AGMO: variants seen among roughly 807,000 people sequenced by gnomAD.
The protein encoded by AGMO is glyceryl-ether monooxygenase.
Under a neutral mutation model 60.2 loss-of-function variants are expected in AGMO, and 75 were observed. The observed-to-expected ratio is 1.25, with a 90% CI of 1.03 to 1.51. AGMO has a LOEUF of 1.51. AGMO is among the 40% of genes most tolerant of loss of function. The probability of loss-of-function intolerance (pLI) is 0.00; values close to 1 mark genes in which losing one functional copy is unlikely to be tolerated. For synonymous variants in AGMO, 261 were observed against 177.1 expected, an observed-to-expected ratio of 1.47 and a Z score of -3.76; for missense variants, 763 against 525.5, an observed-to-expected ratio of 1.45 and a Z score of -4.42.
chr7:15,132,601 G>A, the AGMO span, among the ~76,000 whole-genome samples: 1 of 152,124 alleles, frequency 6.6e-6, no homozygotes, highest in African/African-American at 2.4e-5. Flanking sequence ...GGCCTGGAAG[G>A]TGATACAAGC....
intron 12 of AGMO, among the ~76,000 whole-genome samples, chr7:15,274,423 T>C (rs964415580): frequency 2.0e-5 from 3 of 152,224 alleles, no homozygotes; most frequent in African/African-American, 7.2e-5. Context: ...ATTACGTTTA[T>C]TGATTTGCGT....
chr7:15,122,870 G>A, the AGMO span, among the ~76,000 whole-genome samples: 1 of 151,974 alleles, frequency 6.6e-6, no homozygotes, highest in African/African-American at 2.4e-5. Flanking sequence ...TGGCCAGAGT[G>A]AAACATTTAA....
chr7:15,533,895 T>A (rs764242284), intron 3 of AGMO, among the ~76,000 whole-genome samples: 66 of 152,108 alleles, frequency 4.3e-4, no homozygotes, highest in Non-Finnish European at 7.5e-4. Flanking sequence ...GCATTAAAAA[T>A]TTGTTTTAAA....
At chr7:15,117,835 G>C in the AGMO span, among the ~76,000 whole-genome samples, 3 of 151,934 alleles carry the variant, frequency 2.0e-5, no homozygotes, top group Admixed American at 2.0e-4. Flanking sequence ...CAGGAGAGGA[G>C]AATCTAGTAT....
intron 12 of AGMO, among the ~76,000 whole-genome samples, chr7:15,248,181 T>TATATATAG (rs1782808646): frequency 3.5e-5 from 1 of 28,284 alleles, no homozygotes; most frequent in Non-Finnish European, 6.1e-5. Flanking sequence ...TCCAGCACCA[T>TATATATAG]ATATATATAT....
At chr7:15,500,016 G>T (rs1783336974) in intron 3 of AGMO, among the ~76,000 whole-genome samples, 1 of 150,466 alleles carries the variant, frequency 6.6e-6, no homozygotes, top group African/African-American at 2.4e-5. Flanking sequence ...TTACACAGAT[G>T]GATAAAGACA....
intron 10 of AGMO, among the ~76,000 whole-genome samples, chr7:15,368,446 A>T (rs1431753469): frequency 1.3e-5 from 2 of 152,150 alleles, no homozygotes; most frequent in Admixed American, 6.6e-5. Flanking sequence ...AATCTGTAGT[A>T]TGATTGCAAA....
At chr7:15,520,392 T>TA (rs1410965849) in intron 3 of AGMO, among the ~76,000 whole-genome samples, 7 of 152,300 alleles carry the variant, frequency 4.6e-5, no homozygotes, top group Admixed American at 1.3e-4. Context: ...CAACAGGACA[T>TA]ACATTCTTCT....
chr7:15,413,794 C>G (rs1011432335), intron 5 of AGMO, among the ~76,000 whole-genome samples: 2 of 151,972 alleles, frequency 1.3e-5, no homozygotes, highest in Non-Finnish European at 2.9e-5. Context: ...TTTGTTGCTA[C>G]AGGTCTGCAT....
intron 12 of AGMO, among the ~76,000 whole-genome samples, chr7:15,337,002 A>G (rs1320415109): frequency 6.6e-6 from 1 of 152,182 alleles, no homozygotes; most frequent in Non-Finnish European, 1.5e-5. Flanking sequence ...CCCTGGGGGC[A>G]CTCAAACGTA....
chr7:15,552,034 A>G (rs1290937824), intron 2 of AGMO, among the ~76,000 whole-genome samples: 2 of 152,104 alleles, frequency 1.3e-5, no homozygotes, highest in Non-Finnish European at 2.9e-5. Context: ...CAACTATCTG[A>G]TCTTTGACAA....
At chr7:15,292,585 G>A (rs751457779) in intron 12 of AGMO, among the ~76,000 whole-genome samples, 1 of 151,888 alleles carries the variant, frequency 6.6e-6, no homozygotes, top group Non-Finnish European at 1.5e-5. Context: ...ATATTGTAGA[G>A]GTTCTTTCTG....
intron 12 of AGMO, among the ~76,000 whole-genome samples, chr7:15,362,328 A>G (rs959946934): frequency 1.3e-5 from 2 of 152,192 alleles, no homozygotes; most frequent in African/African-American, 4.8e-5. Flanking sequence ...TCCAGATTAA[A>G]AAAAGATTGC....
At chr7:15,282,809 A>G (rs1401046640) in intron 12 of AGMO, among the ~76,000 whole-genome samples, 1 of 152,172 alleles carries the variant, frequency 6.6e-6, no homozygotes, top group East Asian at 1.9e-4. Context: ...TAAAGTTAAC[A>G]TGAAGGAAAG....
chr7:15,546,146 G>C lies in AGMO; in HGVS notation c.258-1223C>G, dbSNP rs551226586. Reference sequence around the variant, plus strand: ...ATTTAATTATTGTATGACTTTAACTGTGATTTAATATCTTTAAAATAACCT... The same window carrying C: ...ATTTAATTATTGTATGACTTTAACTCTGATTTAATATCTTTAAAATAACCT... On this transcript the variant is annotated intron_variant, in intron 2 of 12. Transcript: ENST00000342526. Among the ~76,000 whole-genome samples, 328 of 152,046 alleles carry C rather than the reference G, an allele frequency of 2.2e-3. 1 individual carries two copies. The highest frequency in any genetic ancestry group is 7.7e-3 in the African/African-American group (319 of 41,496).
chr7:15,327,596 C>T (rs970916389), intron 12 of AGMO, among the ~76,000 whole-genome samples: 31 of 151,852 alleles, frequency 2.0e-4, no homozygotes, highest in Middle Eastern at 3.4e-3. Context: ...AGAAAAGAGA[C>T]TACTATAGCA....
At chr7:15,482,499 C>G (rs1241306838) in intron 3 of AGMO, among the ~76,000 whole-genome samples, 2 of 152,016 alleles carry the variant, frequency 1.3e-5, no homozygotes, top group African/African-American at 4.8e-5. Context: ...GAAATTGAAT[C>G]TGTAATTAGA....
At chr7:15,128,364 A>T in the AGMO span, among the ~76,000 whole-genome samples, 1 of 152,144 alleles carries the variant, frequency 6.6e-6, no homozygotes. Context: ...TCACCAGTAC[A>T]ATAGAAGATA....
intron 12 of AGMO, among the ~76,000 whole-genome samples, chr7:15,316,654 G>A (rs9648203): frequency 0.37 from 56,192 of 151,986 alleles, 11,405 homozygotes; most frequent in East Asian, 0.5. Context: ...ACTAAGCAGA[G>A]GGGATAATAA....
Sources: gnomAD v4.1 joint callset for allele counts (sites outside exome capture counted in the v4.1 genomes callset) on GRCh38, gnomAD v4.1.1 for gene constraint, MANE v1.5 for transcripts, NCBI Gene and HGNC (gene_info 2026-07-23, HGNC 2026-07-21) for gene names.